MATN1: variants seen among roughly 807,000 people sequenced by gnomAD.
MATN1 encodes matrilin 1, also known as matrilin-1.
MATN1 carries 34 observed loss-of-function variants against 41.3 expected under a neutral mutation model. The ratio of observed to expected loss-of-function variants is 0.82; its 90% CI spans 0.63 to 1.10. The LOEUF (loss-of-function observed/expected upper bound fraction) is 1.10, where lower values mean the gene tolerates loss of function less well. Among genes scored for constraint, MATN1 ranks in the 50% least tolerant of loss-of-function variants. The pLI is 0.00. For missense variants in MATN1, 602 were observed against 662.4 expected (o/e 0.91, Z 1.00); for synonymous variants, 264 against 278.7 (o/e 0.95, Z 0.53).
At chr1:30,721,355 G>C (rs374863504) in intron 2 of MATN1, 50 bp downstream of exon 2, 2 of 1,525,576 alleles carry the variant, frequency 1.3e-6, no homozygotes, top group Non-Finnish European at 1.8e-6. Flanking sequence ...TCATAACTCC[G>C]AGCGGGAGCC....
At position 30,718,745 on chromosome 1, in the gene MATN1, C is replaced by T. The variant is rs1299972818; in HGVS notation, c.654G>A (p.Glu218=). The T allele has an allele frequency of 3.8e-6, 6 of 1,587,670 alleles. No individual in the cohort carries two copies. Among genetic ancestry groups the T allele is most frequent in the Non-Finnish European group, 4.3e-6 (5 of 1,163,850 alleles). ...VIEKLSRKFQ[E]AFCVVSDLCA... ...CGCCTGCCCGCGCACCGCAGAAGGCCTCCTGGAACTTCCTGGACAGCTTCT... is the reference window on the plus strand; with the variant it reads ...CGCCTGCCCGCGCACCGCAGAAGGCTTCCTGGAACTTCCTGGACAGCTTCT... Residue 218 remains glutamate, a synonymous_variant, in exon 3 of 8, where the codon GAG becomes GAA. Coordinates refer to ENST00000373765, the MANE Select transcript of MATN1 (RefSeq NM_002379.3).
chr1:30,719,182 T>A, intron 2 of MATN1: 1 of 500,730 alleles, frequency 2.0e-6, no homozygotes, highest in Non-Finnish European at 3.5e-6. Flanking sequence ...CAGGCAGCTC[T>A]GAGATGCCCG....
intron 3 of MATN1, among the ~76,000 whole-genome samples, chr1:30,717,770 G>A (rs1256490880): frequency 6.6e-6 from 1 of 151,454 alleles, no homozygotes; most frequent in East Asian, 1.9e-4. Context: ...TTTTCCTGGC[G>A]CAGCCTCCCG....
intron 7 of MATN1, 95 bp downstream of exon 7, chr1:30,714,152 G>T: frequency 9.8e-7 from 1 of 1,021,462 alleles, no homozygotes; most frequent in Non-Finnish European, 1.5e-6. Context: ...GCCAAGAGAA[G>T]CCTGCCCAAC....
At chr1:30,717,003 G>A in intron 3 of MATN1, 88 bp from the exon 4 acceptor site, 1 of 1,399,266 alleles carries the variant, frequency 7.1e-7, no homozygotes. Flanking sequence ...GTGGATACCA[G>A]GCCCCATCCA....
chr1:30,716,670 T>C (rs1375905467), intron 4 of MATN1, 120 bp downstream of exon 4: 1 of 1,381,530 alleles, frequency 7.2e-7, no homozygotes, highest in Non-Finnish European at 9.6e-7. Context: ...AAGGCATCTG[T>C]CTGCTTTGAA....
At chr1:30,719,222 G>A in intron 2 of MATN1, 1 of 453,754 alleles carries the variant, frequency 2.2e-6, no homozygotes, top group Non-Finnish European at 3.9e-6. Flanking sequence ...CGCCAAATTG[G>A]GGTCTCTAAG....
At position 30,715,179 on chromosome 1, in the gene MATN1, C is replaced by T. The variant is rs142609726; in HGVS notation, c.1338G>A (p.Lys446=). 1.5e-5 allele frequency: 25 copies of T among 1,614,244 alleles called. No homozygotes were observed. Among genetic ancestry groups the T allele is most frequent in the Non-Finnish European group, 1.9e-5 (22 of 1,180,036 alleles). ...DFKTINQIGK[K]LQKKICVEED... is the part of the protein sequence containing the mutation. ...CACCCACACAGATCTTCTTCTGCAA[C>T]TTCTTGCCTATCTGGTTGATGGTCT... Residue 446 remains lysine, a synonymous_variant, in exon 6 of 8, where the codon AAG becomes AAA. Coordinates refer to ENST00000373765, the MANE Select transcript of MATN1 (RefSeq NM_002379.3).
intron 4 of MATN1, among the ~76,000 whole-genome samples, chr1:30,716,580 A>C (rs1171683520): frequency 2.0e-5 from 3 of 152,266 alleles, no homozygotes; most frequent in Non-Finnish European, 4.4e-5. Context: ...GAGTCCTTCT[A>C]CCACACTAAA....
At chr1:30,722,929 C>T (rs78969785) in intron 1 of MATN1, among the ~76,000 whole-genome samples, 3 of 152,188 alleles carry the variant, frequency 2.0e-5, no homozygotes, top group Admixed American at 6.5e-5. Flanking sequence ...GATCAATAAC[C>T]TAGAGGCTCT....
Position 30,716,771 on chromosome 1 carries a change from C to T in MATN1, c.790+19G>A, listed in dbSNP as rs753092337. 6.8e-6 allele frequency: 11 copies of T among 1,612,652 alleles called. No individual in the cohort carries two copies. The South Asian group carries it at 1.1e-4, about 16-fold the overall frequency. ...CCTCCACACCCTCTCCAGGGCGAGC[C>T]TGTGTCCACCCCACTGACCATTGCA... On this transcript the variant is annotated intron_variant, in intron 4 of 7. Coordinates refer to ENST00000373765, the MANE Select transcript of MATN1 (RefSeq NM_002379.3).
Position 30,716,252 on chromosome 1 carries a change from T to C in MATN1, c.864A>G (p.Pro288=), listed in dbSNP as rs757917449. 6 of 1,614,188 alleles carry C rather than the reference T, an allele frequency of 3.7e-6. No individual in the cohort carries two copies. The highest frequency in any genetic ancestry group is 5.1e-6 in the Non-Finnish European group (6 of 1,180,040). ...ACTTCTTCACCAGCTCAAAGTTCTC[T>C]GGCCTCACACTCTTGGATCCGTCAA... is the stretch of plus-strand genomic sequence containing the variant. The part of the protein sequence containing the change: ...FLIDGSKSVR[P]ENFELVKKFI... The change falls in exon 5 of 8, where the codon CCA becomes CCG. Residue 288 remains proline (P), a synonymous_variant. Coordinates refer to ENST00000373765, the MANE Select transcript of MATN1 (RefSeq NM_002379.3).
rs201929057 is a variant in MATN1, at chr1:30,716,076, T to C, written c.1040A>G (p.Tyr347Cys). Residue 347 changes from tyrosine to cysteine, a missense_variant, in exon 5 of 8, where the codon TAC becomes TGC. Tyr to Cys is a radical substitution (Grantham distance 194, BLOSUM62 -2). Transcript: ENST00000373765. ...CCCAGTCATTGTGCCCTTCTCCATG[T>C]AGGACATATTCCGCACAGCCGCCTT... Reference protein sequence around the residue: ...DIKAAVRNMSYMEKGTMTGAA... With the variant: ...DIKAAVRNMSCMEKGTMTGAA... 1.9e-6 allele frequency: 3 copies of C among 1,614,202 alleles called. No homozygotes were observed. Among genetic ancestry groups the C allele is most frequent in the African/African-American group, 1.3e-5 (1 of 75,060 alleles).
intron 2 of MATN1, 42 bp from the exon 3 acceptor site, chr1:30,718,999 C>T (rs979508991): frequency 1.4e-6 from 2 of 1,422,878 alleles, no homozygotes; most frequent in Non-Finnish European, 1.9e-6. Context: ...TCCCGGAAGC[C>T]CACGGGACTG....
chr1:30,716,287 C>G lies in MATN1; in HGVS notation c.829G>C (p.Val277Leu), dbSNP rs1639618163. Residue 277 changes from valine (V) to leucine (L), a missense_variant, in exon 5 of 8, where the codon GTC becomes CTC. Physicochemically the swap from Val to Leu is conservative, Grantham distance 32 (BLOSUM62 1). Transcript: ENST00000373765. ...GGGGSSATDL[V>L]FLIDGSKSVR... ...CTCTTGGATCCGTCAATGAGGAAGA[C>G]CAGGTCAGTGGCCGAGCTGCCACCA... 6.2e-7 allele frequency: 1 copy of G among 1,614,102 alleles called. No homozygotes were observed. Among genetic ancestry groups the G allele is most frequent in the Non-Finnish European group, 8.5e-7 (1 of 1,179,994 alleles).
chr1:30,719,868 G>C (rs563011317), intron 2 of MATN1: 1 of 152,960 alleles, frequency 6.5e-6, no homozygotes, highest in African/African-American at 2.4e-5. Context: ...GTTGAGACAG[G>C]CCGTGTTTAG....
At chr1:30,721,772 G>T (rs779089205) in intron 1 of MATN1, 21 bp from the exon 2 acceptor site, 2 of 1,583,120 alleles carry the variant, frequency 1.3e-6, no homozygotes, top group African/African-American at 2.7e-5. Flanking sequence ...GGCAGGAGGG[G>T]TAAGGCAGAG....
At position 30,719,350 on chromosome 1, in the gene MATN1, G is replaced by C. The variant is rs74063380; in HGVS notation, c.442-393C>G. 6.8e-3 allele frequency: 1,452 copies of C among 214,930 alleles called. 25 individuals carry two copies. Among genetic ancestry groups the C allele is most frequent in the African/African-American group, 0.032 (1,380 of 43,722 alleles). 13.3% of individuals were successfully genotyped at this position (214,930 alleles called of 1,614,324 possible). A position where few individuals can be genotyped will look rare whatever the true frequency, so the allele number is the denominator to read the frequency against. Reference sequence around the variant, plus strand: ...CCGGGAGGCCCGGCCGGGGCTGGGTGGGGGGATCCGGTGGTTCCACATGGT... The same window carrying C: ...CCGGGAGGCCCGGCCGGGGCTGGGTCGGGGGATCCGGTGGTTCCACATGGT... On this transcript the variant is annotated intron_variant, in intron 2 of 7. Transcript: ENST00000373765.
intron 7 of MATN1, chr1:30,713,957 G>A: frequency 1.7e-6 from 1 of 578,498 alleles, no homozygotes; most frequent in South Asian, 2.1e-5. Context: ...CCTGAGAAAT[G>A]GGGCATCCAT....
Sources: gnomAD v4.1 joint callset for allele counts (sites outside exome capture counted in the v4.1 genomes callset) on GRCh38, gnomAD v4.1.1 for gene constraint, MANE v1.5 for transcripts, NCBI Gene and HGNC (gene_info 2026-07-23, HGNC 2026-07-21) for gene names.